Variants in PIKFYVE observed in about 807,000 individuals in gnomAD.
The protein encoded by PIKFYVE is 1-phosphatidylinositol 3-phosphate 5-kinase.
In PIKFYVE, 122 loss-of-function variants were observed where a neutral mutation model predicts 257.9. The observed-to-expected ratio is 0.47, with a 90% CI of 0.41 to 0.55. The LOEUF is 0.55. Among genes scored for constraint, PIKFYVE ranks in the 20% least tolerant of loss-of-function variants. The pLI, the probability that PIKFYVE is intolerant of heterozygous loss-of-function variation, is 0.00. For missense variants in PIKFYVE, 2,160 were observed against 2,536.6 expected (o/e 0.85, Z 3.19); for synonymous variants, 892 against 868.9 (o/e 1.03, Z -0.47).
chr2:208,345,272 A>G lies in PIKFYVE; in HGVS notation c.5111+78A>G, dbSNP rs1019378811. ...TATATGCTTGTACTTCAGTTTTATTACAGCATTTATCATCATAAAAATTTC... is the reference window on the plus strand; with the variant it reads ...TATATGCTTGTACTTCAGTTTTATTGCAGCATTTATCATCATAAAAATTTC... On this transcript the variant is annotated intron_variant, in intron 33 of 41. Coordinates refer to ENST00000264380, the MANE Select transcript of PIKFYVE (RefSeq NM_015040.4). 3.2e-6 allele frequency: 4 copies of G among 1,240,490 alleles called. No individual in the cohort carries two copies. The Admixed American group carries it at 7.7e-5, about 24-fold the overall frequency. 76.8% of individuals were successfully genotyped at this position (1,240,490 alleles called of 1,614,324 possible).
rs547522321 is a variant in PIKFYVE at position 208,351,530 on chromosome 2, A to T, written c.5715+75A>T. On this transcript the variant is annotated intron_variant, in intron 38 of 41. Transcript: ENST00000264380. ...ACATCCTGAATCTTTCTGTTAGTCT[A>T]TTCTTGTGTTGCTATAAAGAAATAC... The T allele has an allele frequency of 2.5e-6, 3 of 1,193,498 alleles. No homozygotes were observed. In the African/African-American group the frequency reaches 4.5e-5, roughly 18 times the overall value. 73.9% of individuals were successfully genotyped at this position (1,193,498 alleles called of 1,614,324 possible). A position where few individuals can be genotyped will look rare whatever the true frequency, so the allele number is the denominator to read the frequency against.
At chr2:208,276,968 A>C (rs1426256754) in intron 4 of PIKFYVE, 138 bp downstream of exon 4, 3 of 655,896 alleles carry the variant, frequency 4.6e-6, no homozygotes, top group Non-Finnish European at 8.0e-6. Context: ...ATTTTTATAC[A>C]TAAGTTCTTA....
intron 34 of PIKFYVE, among the ~76,000 whole-genome samples, chr2:208,347,356 AT>A (rs1412125667): frequency 6.6e-6 from 1 of 152,216 alleles, no homozygotes; most frequent in Non-Finnish European, 1.5e-5. Flanking sequence ...TTTTTGAAAG[AT>A]GCTAAAAAGG....
intron 27 of PIKFYVE, 121 bp downstream of exon 27, chr2:208,336,321 T>A: frequency 8.7e-7 from 1 of 1,144,880 alleles, no homozygotes; most frequent in Non-Finnish European, 1.3e-6. Context: ...TAAAGAGCCT[T>A]TTGTTTCCTG....
At position 208,333,409 on chromosome 2, in the gene PIKFYVE, G is replaced by A; in HGVS notation, c.4058G>A (p.Arg1353Lys). ...TTTTATGGGCACCAGTATACTCGCAGAGCCAACGCTGAGCCCTGTGGTCAC... is the reference window on the plus strand; with the variant it reads ...TTTTATGGGCACCAGTATACTCGCAAAGCCAACGCTGAGCCCTGTGGTCAC... The part of the protein sequence containing the change: ...LRFYGHQYTR[R>K]ANAEPCGHSI... The change falls in exon 24 of 42, where the codon AGA becomes AAA. Residue 1353 changes from arginine to lysine, a missense_variant. This residue lies in a region of PIKFYVE where 699 missense variants were observed against 855.8 expected (regional missense o/e 0.82). Transcript: ENST00000264380. 6.2e-7 allele frequency: 1 copy of A among 1,614,070 alleles called. No homozygotes were observed. The highest frequency in any genetic ancestry group is 8.5e-7 in the Non-Finnish European group (1 of 1,180,002).
intron 40 of PIKFYVE, 45 bp from the exon 41 acceptor site, chr2:208,354,526 T>C: frequency 6.8e-7 from 1 of 1,471,802 alleles, no homozygotes; most frequent in Non-Finnish European, 9.5e-7. Context: ...TGATTATATT[T>C]ATTAACATAG....
chr2:208,341,624 C>T (rs1698710518), intron 31 of PIKFYVE, among the ~76,000 whole-genome samples: 1 of 152,104 alleles, frequency 6.6e-6, no homozygotes, highest in African/African-American at 2.4e-5. Context: ...CAAGGGTCCT[C>T]TTTTGGGTTG....
rs1312928169 is a variant in PIKFYVE at position 208,325,213 on chromosome 2, T to G, written c.2459-57T>G. The G allele has an allele frequency of 4.4e-6, 7 of 1,573,586 alleles. No individual in the cohort carries two copies. The East Asian group carries it at 1.6e-4, about 36-fold the overall frequency. Reference sequence around the variant, plus strand: ...ATTAAGAGAGTGAATTAATTCTATTTGTACTTCTGGATTGCCACCTCCACC... The same window carrying G: ...ATTAAGAGAGTGAATTAATTCTATTGGTACTTCTGGATTGCCACCTCCACC... On this transcript the variant is annotated intron_variant, in intron 19 of 41. Coordinates refer to ENST00000264380, the MANE Select transcript of PIKFYVE (RefSeq NM_015040.4).
chr2:208,310,605 C>T (rs1458944116), intron 12 of PIKFYVE, among the ~76,000 whole-genome samples: 1 of 152,086 alleles, frequency 6.6e-6, no homozygotes, highest in Non-Finnish European at 1.5e-5. Flanking sequence ...ATGTAGTTTT[C>T]CGTGTATAGG....
At chr2:208,267,098 G>A (rs1688735205) in intron 1 of PIKFYVE, among the ~76,000 whole-genome samples, 1 of 152,214 alleles carries the variant, frequency 6.6e-6, no homozygotes. Context: ...TCTGTATAAA[G>A]CAAGTTATTC....
At chr2:208,317,476 G>A (rs906584623) in intron 15 of PIKFYVE, among the ~76,000 whole-genome samples, 1 of 151,708 alleles carries the variant, frequency 6.6e-6, no homozygotes, top group Non-Finnish European at 1.5e-5. Context: ...TTTTATGTGT[G>A]GCCCAATACA....
At chr2:208,271,381 T>A (rs1472300917) in intron 1 of PIKFYVE, 130 bp from the exon 2 acceptor site, 11 of 864,794 alleles carry the variant, frequency 1.3e-5, no homozygotes, top group Middle Eastern at 2.2e-4. Flanking sequence ...AAGCTAGATT[T>A]ATTTACTGTT....
At chr2:208,321,871 T>A (rs1231444289) in intron 17 of PIKFYVE, among the ~76,000 whole-genome samples, 2 of 152,188 alleles carry the variant, frequency 1.3e-5, no homozygotes, top group Non-Finnish European at 2.9e-5. Context: ...GCCACAATAT[T>A]CATTTCTTTT....
At chr2:208,290,364 GA>G (rs1449731114) in intron 7 of PIKFYVE, among the ~76,000 whole-genome samples, 1 of 152,094 alleles carries the variant, frequency 6.6e-6, no homozygotes, top group East Asian at 1.9e-4. Flanking sequence ...CATATAGTTG[GA>G]ATTATACAGT....
chr2:208,272,742 A>G (rs1689594392), intron 2 of PIKFYVE, among the ~76,000 whole-genome samples: 1 of 152,114 alleles, frequency 6.6e-6, no homozygotes, highest in South Asian at 2.1e-4. Flanking sequence ...ATTTATGATC[A>G]TGTTTAAAGT....
In PIKFYVE at chr2:208,338,544, C is replaced by T. The variant is rs370961563; in HGVS notation, c.4648C>T (p.Pro1550Ser). 1.9e-6 allele frequency: 3 copies of T among 1,613,178 alleles called. No individual in the cohort carries two copies. In the African/African-American group the frequency reaches 4.0e-5, roughly 22 times the overall value. ...AMDASPRNIS[P>S]GLQNGEKEDR... ...GGATGCATCTCCACGGAATATTTCT[C>T]CAGGACTTCAGAATGGAGAAAAAGG... Residue 1550 changes from proline to serine, a missense_variant, in exon 29 of 42, where the codon CCA (proline) becomes TCA (serine). Transcript: ENST00000264380.
chr2:208,301,995 G>T (rs2125329650), intron 9 of PIKFYVE, among the ~76,000 whole-genome samples: 1 of 152,252 alleles, frequency 6.6e-6, no homozygotes, highest in Non-Finnish European at 1.5e-5. Context: ...GTCAATGCTT[G>T]CTGTTATTAA....
intron 24 of PIKFYVE, 81 bp from the exon 25 acceptor site, chr2:208,335,225 T>C (rs1279764841): frequency 3.2e-6 from 3 of 930,100 alleles, no homozygotes; most frequent in Non-Finnish European, 5.3e-6. Flanking sequence ...TCATAGAATA[T>C]AGTTGAACAT....
chr2:208,317,955 G>T lies in PIKFYVE; in HGVS notation c.2082+14G>T, dbSNP rs752284692. 11 of 1,201,392 alleles carry T rather than the reference G, an allele frequency of 9.2e-6. No individual in the cohort carries two copies. The highest frequency in any genetic ancestry group is 2.3e-5 in the East Asian group (1 of 43,778). The allele number at this position is 1,201,392 out of a possible 1,614,324, so 74.4% of individuals were successfully genotyped here. A position where few individuals can be genotyped will look rare whatever the true frequency, so the allele number is the denominator to read the frequency against. On this transcript the variant is annotated intron_variant, in intron 16 of 41. Coordinates refer to ENST00000264380, the MANE Select transcript of PIKFYVE (RefSeq NM_015040.4). Reference sequence around the variant, plus strand: ...GCACATAAAAAGGTAATGTGATTCAGTTCAGCAGTGAAGTTCAGCAAACCA... The same window carrying T: ...GCACATAAAAAGGTAATGTGATTCATTTCAGCAGTGAAGTTCAGCAAACCA...
Sources: gnomAD v4.1 joint callset for allele counts (sites outside exome capture counted in the v4.1 genomes callset) on GRCh38, gnomAD v4.1.1 for gene constraint, gnomAD v4.1.1 regional missense constraint, MANE v1.5 for transcripts, NCBI Gene and HGNC (gene_info 2026-07-23, HGNC 2026-07-21) for gene names.